The following TRMT13 variants were observed in gnomAD, a reference collection of about 807,000 sequenced individuals.
TRMT13 encodes the protein tRNA:m(4)X modification enzyme TRM13 homolog.
TRMT13 carries 45 observed loss-of-function variants against 55.9 expected under a neutral mutation model. The ratio of observed to expected loss-of-function variants is 0.80; its 90% CI spans 0.63 to 1.03. The LOEUF (loss-of-function observed/expected upper bound fraction) is 1.03, where lower values mean the gene tolerates loss of function less well. Ranked by LOEUF, TRMT13 falls within the 50% of genes least tolerant of loss-of-function variation. TRMT13 has a pLI of 0.00. For synonymous variants in TRMT13, 183 were observed against 196.3 expected, an observed-to-expected ratio of 0.93 and a Z score of 0.57; for missense variants, 513 against 563.9, an observed-to-expected ratio of 0.91 and a Z score of 0.91.
intron 7 of TRMT13, among the ~76,000 whole-genome samples, chr1:100,141,651 G>C (rs905909024): frequency 3.3e-5 from 5 of 152,128 alleles, no homozygotes; most frequent in Non-Finnish European, 7.4e-5. Flanking sequence ...CTTATATTTA[G>C]AAAAGAGACC....
chr1:100,138,739 A>G (rs1229177400), intron 3 of TRMT13, among the ~76,000 whole-genome samples: 1 of 152,266 alleles, frequency 6.6e-6, no homozygotes, highest in African/African-American at 2.4e-5. Context: ...TATGGCAGCC[A>G]CTAGCCACAT....
intron 3 of TRMT13, among the ~76,000 whole-genome samples, chr1:100,138,781 A>G (rs1656232628): frequency 6.6e-6 from 1 of 152,256 alleles, no homozygotes. Flanking sequence ...AAAACTAAAT[A>G]AAATTAAAAA....
At chr1:100,136,844 A>T in intron 1 of TRMT13, 38 bp from the exon 2 acceptor site, 1 of 1,487,794 alleles carries the variant, frequency 6.7e-7, no homozygotes, top group Non-Finnish European at 9.1e-7. Context: ...AATAAACTTG[A>T]TATTTTATTT....
rs1180110680 is a variant in TRMT13 at position 100,144,179 on chromosome 1, A to G, written c.817+36A>G. ...ATACTGATAATGTTTACATTAATGC[A>G]TTAAGTTTTGGCCTAACCTGGCCCC... On this transcript the variant is annotated intron_variant, in intron 9 of 10. Coordinates refer to ENST00000370141, the MANE Select transcript of TRMT13 (RefSeq NM_019083.3). 2.5e-6 allele frequency: 4 copies of G among 1,574,828 alleles called. No individual in the cohort carries two copies. The African/African-American group carries it at 4.0e-5, about 16-fold the overall frequency.
intron 1 of TRMT13, 21 bp downstream of exon 1, chr1:100,133,336 C>T (rs532677839): frequency 6.2e-7 from 1 of 1,611,970 alleles, no homozygotes; most frequent in South Asian, 1.1e-5. Flanking sequence ...GCCCTACTCT[C>T]TCAAGAGTCG....
chr1:100,134,346 C>A (rs1413538529), intron 1 of TRMT13, among the ~76,000 whole-genome samples: 1 of 152,092 alleles, frequency 6.6e-6, no homozygotes, highest in Admixed American at 6.5e-5. Context: ...TTCCACAGAA[C>A]TATAAAGAAT....
intron 7 of TRMT13, among the ~76,000 whole-genome samples, chr1:100,141,300 G>T (rs1471855359): frequency 1.3e-5 from 2 of 152,020 alleles, no homozygotes; most frequent in Admixed American, 1.3e-4. Flanking sequence ...AAAAGTCTTG[G>T]GCTCTACTCC....
intron 3 of TRMT13, 127 bp from the exon 4 acceptor site, chr1:100,139,522 G>GA: frequency 3.2e-6 from 2 of 626,782 alleles, no homozygotes; most frequent in East Asian, 5.9e-5. Context: ...ATTTCATGAA[G>GA]AAATGAATGG....
chr1:100,140,176 A>G lies in TRMT13; in HGVS notation c.325-6A>G, dbSNP rs901595427. 1.3e-6 allele frequency: 2 copies of G among 1,596,240 alleles called. No individual in the cohort carries two copies. Among genetic ancestry groups the G allele is most frequent in the Non-Finnish European group, 1.7e-6 (2 of 1,168,008 alleles). The stretch of plus-strand genomic sequence containing the variant: ...CTACATTATTTAGTTTTATTTTTGT[A>G]TATAGGTTCCAATTTCTTCTCTATC... On this transcript the variant is annotated splice_polypyrimidine_tract_variant and splice_region_variant and intron_variant, in intron 4 of 10. Coordinates refer to ENST00000370141, the MANE Select transcript of TRMT13 (RefSeq NM_019083.3).
chr1:100,149,004 C>A lies in TRMT13; in HGVS notation c.*184C>A. The A allele has an allele frequency of 6.7e-7, 1 of 1,485,576 alleles. No homozygotes were observed. The highest frequency in any genetic ancestry group is 9.0e-7 in the Non-Finnish European group (1 of 1,111,906). The allele number at this position is 1,485,576 out of a possible 1,614,324, so 92.0% of individuals were successfully genotyped here. Reference sequence around the variant, plus strand: ...AGAAATCCAAACATTAGAGAATTCACCAAAGTAATCCTCTTTAGAAGGGCA... The same window carrying A: ...AGAAATCCAAACATTAGAGAATTCAACAAAGTAATCCTCTTTAGAAGGGCA... On this transcript the variant is annotated 3_prime_UTR_variant, in exon 11 of 11. Transcript: ENST00000370141.
At position 100,143,133 on chromosome 1, in the gene TRMT13, G is replaced by A; in HGVS notation, c.670-4G>A. On this transcript the variant is annotated splice_polypyrimidine_tract_variant and splice_region_variant and intron_variant, in intron 7 of 10. Transcript: ENST00000370141. The stretch of plus-strand genomic sequence containing the variant: ...ATTATTACAATAATGTTCTGTTTGT[G>A]CAGGTGGATGGAAAACACAGAAAGA... 6.3e-7 allele frequency: 1 copy of A among 1,597,802 alleles called. No individual in the cohort carries two copies. Among genetic ancestry groups the A allele is most frequent in the East Asian group, 2.2e-5 (1 of 44,648 alleles).
chr1:100,139,624 C>G (rs1656343165), intron 3 of TRMT13, 25 bp from the exon 4 acceptor site: 4 of 1,417,764 alleles, frequency 2.8e-6, no homozygotes, highest in Admixed American at 1.8e-5. Context: ...ATTAACAGTT[C>G]TTTTATGGTT....
At position 100,137,220 on chromosome 1, in the gene TRMT13, G is replaced by A. The variant is rs1481270996; in HGVS notation, c.261+135G>A. 8.5e-6 allele frequency: 6 copies of A among 705,280 alleles called. No homozygotes were observed. The African/African-American group carries it at 9.0e-5, about 11-fold the overall frequency. 43.7% of individuals were successfully genotyped at this position (705,280 alleles called of 1,614,324 possible). A position where few individuals can be genotyped will look rare whatever the true frequency, so the allele number is the denominator to read the frequency against. ...AATATAATTTTTTTTTAAAGAGATA[G>A]GGTCTCACTCTGTCACTCAGGCTGG... On this transcript the variant is annotated intron_variant, in intron 3 of 10. Coordinates refer to ENST00000370141, the MANE Select transcript of TRMT13 (RefSeq NM_019083.3).
chr1:100,140,858 A>G lies in TRMT13; in HGVS notation c.508A>G (p.Ile170Val), dbSNP rs1656525638. 10 of 1,612,448 alleles carry G rather than the reference A, an allele frequency of 6.2e-6. No homozygotes were observed. Among genetic ancestry groups the G allele is most frequent in the Non-Finnish European group, 8.5e-6 (10 of 1,179,306 alleles). The change falls in exon 7 of 11, where the codon ATT becomes GTT. Residue 170 changes from isoleucine (I) to valine (V), a missense_variant. By Grantham distance (29) the Ile-to-Val change is conservative. Coordinates refer to ENST00000370141, the MANE Select transcript of TRMT13 (RefSeq NM_019083.3). The stretch of plus-strand genomic sequence containing the variant: ...AATCTTGTGAAGTTTGCAGGCTTCT[A>G]TTTTAGGTAACATTGAAAATTTAAA... ...ATKHLKQQAS[I>V]LGNIENLKLL...
At chr1:100,140,289 A>G in intron 5 of TRMT13, 38 bp downstream of exon 5, 1 of 1,585,582 alleles carries the variant, frequency 6.3e-7, no homozygotes, top group Non-Finnish European at 8.6e-7. Flanking sequence ...ATTATTTTAG[A>G]GTAATTAGGT....
chr1:100,149,222 A>T lies in TRMT13; in HGVS notation c.*402A>T. 6.7e-7 allele frequency: 1 copy of T among 1,494,782 alleles called. No individual in the cohort carries two copies. Among genetic ancestry groups the T allele is most frequent in the Non-Finnish European group, 8.9e-7 (1 of 1,128,490 alleles). The allele number at this position is 1,494,782 out of a possible 1,614,324, so 92.6% of individuals were successfully genotyped here. On this transcript the variant is annotated 3_prime_UTR_variant, in exon 11 of 11. Transcript: ENST00000370141. ...TCTTAAGTTCAAGAGGTAGTGATTG[A>T]TTGTAACAAGGGCCAATCTGAGAAT...
chr1:100,143,302 T>TG, intron 8 of TRMT13, 93 bp downstream of exon 8: 2 of 690,676 alleles, frequency 2.9e-6, no homozygotes, highest in Admixed American at 2.9e-5. Flanking sequence ...AGAACTGTGC[T>TG]TCAGGGAAAA....
At chr1:100,144,205 A>C in intron 9 of TRMT13, 62 bp downstream of exon 9, 1 of 1,233,338 alleles carries the variant, frequency 8.1e-7, no homozygotes, top group Non-Finnish European at 1.2e-6. Flanking sequence ...ACCTGGCCCC[A>C]ACCATTTCAG....
At chr1:100,142,954 A>C in intron 7 of TRMT13, 183 bp from the exon 8 acceptor site, 1 of 555,308 alleles carries the variant, frequency 1.8e-6, no homozygotes, top group African/African-American at 1.9e-5. Flanking sequence ...ATAATTGATA[A>C]ACATTTTCAA....
Sources: gnomAD v4.1 joint callset for allele counts (sites outside exome capture counted in the v4.1 genomes callset) on GRCh38, gnomAD v4.1.1 for gene constraint, MANE v1.5 for transcripts, NCBI Gene and HGNC (gene_info 2026-07-23, HGNC 2026-07-21) for gene names.